The following ANK1 variants were observed in gnomAD, a reference collection of about 807,000 sequenced individuals.
The protein encoded by ANK1 is ankyrin-1.
A neutral mutation model predicts 210.4 loss-of-function variants in ANK1; 51 were observed. The ratio of observed to expected loss-of-function variants is 0.24; its 90% CI spans 0.19 to 0.31. The LOEUF is 0.31. Ranked by LOEUF, ANK1 falls within the 10% of genes least tolerant of loss-of-function variation. The pLI is 1.00. For synonymous variants in ANK1, 967 were observed against 1,025.9 expected, an observed-to-expected ratio of 0.94 and a Z score of 1.10; for missense variants, 2,051 against 2,504.4, an observed-to-expected ratio of 0.82 and a Z score of 3.86.
intron 42 of ANK1, among the ~76,000 whole-genome samples, chr8:41,658,906 A>ATAAC (rs1806761602): frequency 1.6e-5 from 1 of 61,186 alleles, no homozygotes; most frequent in Admixed American, 1.6e-4. Flanking sequence ...ATATAAATAA[A>ATAAC]TAAATAAATA....
Position 41,720,914 on chromosome 8 carries a change from G to A in ANK1, c.910-1056C>T, listed in dbSNP as rs74445466. Among the ~76,000 whole-genome samples the A allele has an allele frequency of 6.6e-5, 10 of 152,316 alleles. No individual in the cohort carries two copies. The East Asian group carries it at 1.7e-3, about 26-fold the overall frequency. ...TGATTCCAAGCATGGAGTCAGGCTGGAGAGGAGGCTGGAGCTGCGCCAAGA... is the reference window on the plus strand; with the variant it reads ...TGATTCCAAGCATGGAGTCAGGCTGAAGAGGAGGCTGGAGCTGCGCCAAGA... On this transcript the variant is annotated intron_variant, in intron 9 of 42. Transcript: ENST00000289734.
intron 1 of ANK1, among the ~76,000 whole-genome samples, chr8:41,853,375 AAAG>A (rs779384986): frequency 6.6e-6 from 1 of 152,252 alleles, no homozygotes; most frequent in African/African-American, 2.4e-5. Flanking sequence ...CGCAAAGGCA[AAAG>A]AAGGAGGGAA....
At chr8:41,767,424 C>T (rs976098452) in intron 1 of ANK1, among the ~76,000 whole-genome samples, 2 of 151,898 alleles carry the variant, frequency 1.3e-5, no homozygotes, top group African/African-American at 2.4e-5. Flanking sequence ...TCCCGCTCCC[C>T]CTCCCGGTTA....
intron 2 of ANK1, among the ~76,000 whole-genome samples, chr8:41,740,719 G>C (rs1432087008): frequency 2.6e-5 from 4 of 152,212 alleles, no homozygotes; most frequent in East Asian, 1.9e-4. Context: ...TTCAAATTAA[G>C]GTTCCTGAGT....
At chr8:41,874,830 T>C (rs1312151021) in intron 1 of ANK1, among the ~76,000 whole-genome samples, 1 of 152,254 alleles carries the variant, frequency 6.6e-6, no homozygotes, top group African/African-American at 2.4e-5. Flanking sequence ...GTTCCTGCTT[T>C]TGATCTTCCC....
In ANK1 at chr8:41,694,531, C is replaced by A; in HGVS notation, c.3327+61G>T. The A allele has an allele frequency of 7.3e-6, 11 of 1,511,926 alleles. No homozygotes were observed. Among genetic ancestry groups the A allele is most frequent in the Non-Finnish European group, 7.3e-6 (8 of 1,102,444 alleles). 93.7% of individuals were successfully genotyped at this position (1,511,926 alleles called of 1,614,324 possible). On this transcript the variant is annotated intron_variant, in intron 28 of 42. Coordinates refer to ENST00000289734, the MANE Select transcript of ANK1 (RefSeq NM_000037.4). This position sits in a 1 kb window ranked among gnomAD's most constrained non-coding sequence, Gnocchi z 5.7. ...GGGGATGTCCTGGGGAAGAGGGTGGCCTTCCCGGAGGCCTGGAGTTCAGTC... is the reference window on the plus strand; with the variant it reads ...GGGGATGTCCTGGGGAAGAGGGTGGACTTCCCGGAGGCCTGGAGTTCAGTC...
At chr8:41,769,959 CTTTTTTTTTTCTTTTTTCTTTTT>C (rs1842662262) in intron 1 of ANK1, among the ~76,000 whole-genome samples, 1 of 115,064 alleles carries the variant, frequency 8.7e-6, no homozygotes, top group African/African-American at 3.3e-5. Flanking sequence ...TATATATCTT[CTTTTTTTTTTCTTTTTTCTTTTT>C]TTTTTTTTTT....
At position 41,663,740 on chromosome 8, in the gene ANK1, C is replaced by A. The variant is rs773545929; in HGVS notation, c.5397G>T (p.Gly1799=). Residue 1799 remains glycine (G), a splice_region_variant and synonymous_variant, in exon 40 of 43, where the codon GGG becomes GGT. Transcript: ENST00000289734. Reference sequence around the variant, plus strand: ...CCCCTGGAATATTCTGAAACTCATTCCCCTGGAATTAGAGAAAGGGAGAAA... The same window carrying A: ...CCCCTGGAATATTCTGAAACTCATTACCCTGGAATTAGAGAAAGGGAGAAA... ...AKNTFTQVVQ[G]NEFQNIPGEQ... is the part of the protein sequence containing the mutation. 1.2e-6 allele frequency: 2 copies of A among 1,613,010 alleles called. No individual in the cohort carries two copies. Among genetic ancestry groups the A allele is most frequent in the East Asian group, 4.5e-5 (2 of 44,866 alleles).
chr8:41,828,503 C>T (rs77697839), intron 1 of ANK1: 8 of 154,474 alleles, frequency 5.2e-5, no homozygotes, highest in African/African-American at 1.9e-4. Context: ...CCACCTCCTC[C>T]GAGAGGACAT....
At chr8:41,745,121 A>G (rs1465785200) in intron 2 of ANK1, among the ~76,000 whole-genome samples, 2 of 152,080 alleles carry the variant, frequency 1.3e-5, no homozygotes, top group African/African-American at 2.4e-5. Flanking sequence ...CAGAGAGAGG[A>G]AAGGATGGAG....
At chr8:41,667,587 G>A (rs1810977082) in intron 39 of ANK1, among the ~76,000 whole-genome samples, 1 of 152,016 alleles carries the variant, frequency 6.6e-6, no homozygotes. Flanking sequence ...TGGGGAAGGG[G>A]GATTGAATCG....
chr8:41,863,929 C>A (rs143794550), intron 1 of ANK1, among the ~76,000 whole-genome samples: 1 of 152,058 alleles, frequency 6.6e-6, no homozygotes, highest in African/African-American at 2.4e-5. Context: ...GGCTGCTGCA[C>A]GTTCTGCGCT....
chr8:41,797,646 AGGCCCCCGAGGGCCTTATC>A (rs1563797325), upstream of ANK1: 1 of 1,532,292 alleles, frequency 6.5e-7, no homozygotes, highest in Non-Finnish European at 8.8e-7. This position sits in a 1 kb window ranked among gnomAD's most constrained non-coding sequence, Gnocchi z 4.0. Context: ...CGTGCGGGCC[AGGCCCCCGAGGGCCTTATC>A]GGCCCCAGAG....
At chr8:41,725,038 A>T (rs1830318981) in intron 6 of ANK1, among the ~76,000 whole-genome samples, 2 of 152,108 alleles carry the variant, frequency 1.3e-5, no homozygotes, top group Non-Finnish European at 2.9e-5. Context: ...TTTAAAAAAA[A>T]TGTTTTAGAG....
At chr8:41,814,093 G>A (rs113591002) in intron 1 of ANK1, among the ~76,000 whole-genome samples, 1,725 of 152,298 alleles carry the variant, frequency 0.011, 19 homozygotes, top group Non-Finnish European at 0.018. Context: ...CGGGCGTGGC[G>A]GCTCATGCCT....
chr8:41,683,638 G>T (rs1345526589), intron 37 of ANK1, among the ~76,000 whole-genome samples: 1 of 152,236 alleles, frequency 6.6e-6, no homozygotes, highest in Non-Finnish European at 1.5e-5. Flanking sequence ...TTGTTTCAAG[G>T]TCTGTAAGGA....
intron 1 of ANK1, among the ~76,000 whole-genome samples, chr8:41,871,545 C>CG (rs1563941146): frequency 1.3e-5 from 2 of 152,092 alleles, no homozygotes; most frequent in African/African-American, 2.4e-5. Context: ...CGAAGAAGAT[C>CG]GGGGGGCGAT....
intron 3 of ANK1, among the ~76,000 whole-genome samples, chr8:41,730,235 G>A (rs1449265335): frequency 6.6e-6 from 1 of 152,142 alleles, no homozygotes; most frequent in Admixed American, 6.5e-5. Context: ...GGGTCAGGGA[G>A]GCAGCCCCAT....
intron 17 of ANK1, among the ~76,000 whole-genome samples, chr8:41,708,402 C>T (rs910767776): frequency 6.6e-6 from 1 of 152,116 alleles, no homozygotes; most frequent in African/African-American, 2.4e-5. Context: ...AAATATCTTT[C>T]CCCCACGGAA....
Sources: allele counts gnomAD v4.1 joint callset (sites outside exome capture counted in the v4.1 genomes callset), GRCh38; gene constraint gnomAD v4.1.1; non-coding constraint Gnocchi (gnomAD v3.1); transcripts MANE v1.5; gene names NCBI Gene and HGNC (gene_info 2026-07-23, HGNC 2026-07-21).